The following SMG9 variants were observed in gnomAD, a reference collection of about 807,000 sequenced individuals.
SMG9 encodes the protein SMG9 nonsense mediated mRNA decay factor, also known as nonsense-mediated mRNA decay factor SMG9.
In SMG9, 55 loss-of-function variants were observed where a neutral mutation model predicts 64.0. The observed-to-expected ratio is 0.86, with a 90% CI of 0.69 to 1.08. The LOEUF (loss-of-function observed/expected upper bound fraction) is 1.08. SMG9 is among the 50% of genes least tolerant of loss of function. The pLI, the probability that SMG9 is intolerant of heterozygous loss-of-function variation, is 0.00. For synonymous variants in SMG9, 244 were observed against 254.8 expected, an observed-to-expected ratio of 0.96 and a Z score of 0.41; for missense variants, 554 against 681.3, an observed-to-expected ratio of 0.81 and a Z score of 2.08.
In SMG9 at chr19:43,728,975, A is replaced by T. The variant is rs1254509664; in HGVS notation, c.*2621T>A. 3.0e-6 allele frequency: 3 copies of T among 985,396 alleles called. No individual in the cohort carries two copies. Among genetic ancestry groups the T allele is most frequent in the Non-Finnish European group, 3.6e-6 (3 of 829,972 alleles). The allele number at this position is 985,396 out of a possible 1,614,324, so 61.0% of individuals were successfully genotyped here. A position where few individuals can be genotyped will look rare whatever the true frequency, so the allele number is the denominator to read the frequency against. On this transcript the variant is annotated 3_prime_UTR_variant, in exon 14 of 14. Coordinates refer to ENST00000270066, the MANE Select transcript of SMG9 (RefSeq NM_019108.4). Reference sequence around the variant, plus strand: ...CCCATCTTGCAGCCCATCCTAGAGCAGAAGGCCTCCCTGCAGCAGTATATC... The same window carrying T: ...CCCATCTTGCAGCCCATCCTAGAGCTGAAGGCCTCCCTGCAGCAGTATATC...
At chr19:43,734,557 G>T (rs1204682267) in intron 9 of SMG9, 62 bp from the exon 10 acceptor site, 1 of 1,114,916 alleles carries the variant, frequency 9.0e-7, no homozygotes, top group Non-Finnish European at 1.3e-6. Flanking sequence ...CACAGCCTGG[G>T]ACAGGGGCTT....
chr19:43,738,119 C>T lies in SMG9; in HGVS notation c.909+3G>A. The stretch of plus-strand genomic sequence containing the variant: ...AGTCCTGGGCCTGGCTTGGCTCCCT[C>T]ACCTGCATTTCAACGTAAGTGTGGG... On this transcript the variant is annotated splice_donor_region_variant and intron_variant, in intron 8 of 13. Transcript: ENST00000270066. 1 of 1,613,900 alleles carries T rather than the reference C, an allele frequency of 6.2e-7. No individual in the cohort carries two copies. Among genetic ancestry groups the T allele is most frequent in the Non-Finnish European group, 8.5e-7 (1 of 1,179,836 alleles).
At position 43,750,818 on chromosome 19, in the gene SMG9, T is replaced by C. The variant is rs1019182071; in HGVS notation, c.-6-71A>G. 4 of 1,411,824 alleles carry C rather than the reference T, an allele frequency of 2.8e-6. No homozygotes were observed. The African/African-American group carries it at 4.4e-5, about 15-fold the overall frequency. The allele number at this position is 1,411,824 out of a possible 1,614,324, so 87.5% of individuals were successfully genotyped here. On this transcript the variant is annotated intron_variant, in intron 1 of 13. Coordinates refer to ENST00000270066, the MANE Select transcript of SMG9 (RefSeq NM_019108.4). ...ACTCTACTTGGCATATCCTAGACTA[T>C]ACGAAGTCCCTTCTTTCTTTTTTTT...
chr19:43,734,576 A>T (rs1968597947), intron 9 of SMG9, 81 bp from the exon 10 acceptor site: 3 of 871,444 alleles, frequency 3.4e-6, no homozygotes, highest in African/African-American at 3.4e-5. Context: ...TTCCTTTGAG[A>T]TTCTGATGAA....
In SMG9 at chr19:43,730,036, C is replaced by G. The variant is rs904796381; in HGVS notation, c.*1560G>C. On this transcript the variant is annotated 3_prime_UTR_variant, in exon 14 of 14. Transcript: ENST00000270066. Reference sequence around the variant, plus strand: ...CTGGCCCTGCTGAGTGCTTTCTTCACTGACCCCCCGCCCCCCCTCACTTCA... The same window carrying G: ...CTGGCCCTGCTGAGTGCTTTCTTCAGTGACCCCCCGCCCCCCCTCACTTCA... The G allele has an allele frequency of 6.5e-6, 1 of 152,920 alleles. No individual in the cohort carries two copies. Among genetic ancestry groups the G allele is most frequent in the Non-Finnish European group, 1.5e-5 (1 of 68,696 alleles). 9.5% of individuals were successfully genotyped at this position (152,920 alleles called of 1,614,324 possible).
rs1599658361 is a variant in SMG9, at chr19:43,748,619, G to A, written c.151-567C>T. Reference sequence around the variant, plus strand: ...ATCACCTCTGCCTCAGCCCCCTCCTGCTCTGGCAAAGCTGGCAGGCTGATC... The same window carrying A: ...ATCACCTCTGCCTCAGCCCCCTCCTACTCTGGCAAAGCTGGCAGGCTGATC... On this transcript the variant is annotated intron_variant, in intron 2 of 13. Transcript: ENST00000270066. 4 of 519,028 alleles carry A rather than the reference G, an allele frequency of 7.7e-6. No individual in the cohort carries two copies. The East Asian group carries it at 2.2e-4, about 28-fold the overall frequency. 32.2% of individuals were successfully genotyped at this position (519,028 alleles called of 1,614,324 possible).
chr19:43,743,757 T>C (rs1440583768), intron 6 of SMG9, among the ~76,000 whole-genome samples: 2 of 152,134 alleles, frequency 1.3e-5, no homozygotes, highest in Admixed American at 1.3e-4. Flanking sequence ...GATCGTGCCA[T>C]TGCACTTGAG....
At chr19:43,733,792 C>A in intron 10 of SMG9, 59 bp from the exon 11 acceptor site, 1 of 1,246,302 alleles carries the variant, frequency 8.0e-7, no homozygotes, top group Non-Finnish European at 1.2e-6. Context: ...CATGGACTCC[C>A]CTTTCTCACC....
chr19:43,733,202 T>C, intron 12 of SMG9, 122 bp downstream of exon 12: 3 of 1,414,338 alleles, frequency 2.1e-6, no homozygotes, highest in Non-Finnish European at 2.9e-6. Flanking sequence ...TCAGACCAGG[T>C]AGGCTCCACA....
Position 43,752,873 on chromosome 19 carries a change from T to C in SMG9, c.-7+1781A>G, listed in dbSNP as rs147787330. On this transcript the variant is annotated intron_variant, in intron 1 of 13. Coordinates refer to ENST00000270066, the MANE Select transcript of SMG9 (RefSeq NM_019108.4). ...ATGATCATGCTGCACCACTGCACTCTAGCCTGGGTAACAAAGCAAGACCCT... is the reference window on the plus strand; with the variant it reads ...ATGATCATGCTGCACCACTGCACTCCAGCCTGGGTAACAAAGCAAGACCCT... 4.3e-5 allele frequency among the ~76,000 whole-genome samples: 6 copies of C among 138,336 alleles called. No homozygotes were observed. The East Asian group carries it at 1.0e-3, about 24-fold the overall frequency. The allele number at this position is 138,336 out of a possible 152,430, so 90.8% of individuals were successfully genotyped here. A position where few individuals can be genotyped will look rare whatever the true frequency, so the allele number is the denominator to read the frequency against.
chr19:43,739,517 C>A (rs906576682), intron 7 of SMG9, among the ~76,000 whole-genome samples: 1 of 152,010 alleles, frequency 6.6e-6, no homozygotes, highest in African/African-American at 2.4e-5. Context: ...CCTCCAGAGG[C>A]GAGGATAGGC....
intron 6 of SMG9, among the ~76,000 whole-genome samples, chr19:43,740,738 G>C (rs1328213797): frequency 1.3e-5 from 2 of 152,078 alleles, no homozygotes; most frequent in African/African-American, 4.8e-5. Flanking sequence ...AGCACTGAGT[G>C]CCCTCCACTC....
intron 5 of SMG9, 60 bp from the exon 6 acceptor site, chr19:43,744,944 G>C (rs900377380): frequency 7.4e-7 from 1 of 1,345,662 alleles, no homozygotes; most frequent in African/African-American, 1.4e-5. Flanking sequence ...CTGGAATGAG[G>C]GGGGGACTCC....
At position 43,730,092 on chromosome 19, in the gene SMG9, G is replaced by A. The variant is rs1568591935; in HGVS notation, c.*1504C>T. On this transcript the variant is annotated 3_prime_UTR_variant, in exon 14 of 14. Transcript: ENST00000270066. ...TTCTCACAAGGCCCTGGATCCCCAT[G>A]GTATGAAACACCAGGGCTGTATGGG... 1 of 152,144 alleles carries A rather than the reference G, an allele frequency of 6.6e-6. No individual in the cohort carries two copies. The highest frequency in any genetic ancestry group is 1.5e-5 in the Non-Finnish European group (1 of 68,056). 9.4% of individuals were successfully genotyped at this position (152,144 alleles called of 1,614,324 possible).
chr19:43,750,873 G>A, intron 1 of SMG9, 126 bp from the exon 2 acceptor site: 1 of 825,570 alleles, frequency 1.2e-6, no homozygotes, highest in Admixed American at 3.0e-5. Context: ...CGCCCAGGCT[G>A]GAGTACAGTG....
rs1253595492 is a variant in SMG9, at chr19:43,740,129, C to T, written c.791G>A (p.Arg264Gln). ...SGIDFFITQE[R>Q]IVFLDTQPIL... is the part of the protein sequence containing the mutation. ...CACCTGTGTGTCCAGGAAAACAATC[C>T]GTTCTTGGGTAATAAAGAAGTCGAT... Residue 264 changes from arginine to glutamine, a missense_variant, in exon 7 of 14, where the codon CGG becomes CAG. Physicochemically the swap from Arg to Gln is conservative, Grantham distance 43. Coordinates refer to ENST00000270066, the MANE Select transcript of SMG9 (RefSeq NM_019108.4). 7 of 1,613,700 alleles carry T rather than the reference C, an allele frequency of 4.3e-6. No homozygotes were observed. Among genetic ancestry groups the T allele is most frequent in the African/African-American group, 4.0e-5 (3 of 74,890 alleles).
rs750300035 is a variant in SMG9, at chr19:43,748,045, C to T, written c.158G>A (p.Ser53Asn). ...CATGACGGAAGTGCTTGTCTCTTCG[C>T]TGGCATCCTGTGGTGAGGGAGGGCA... ...APWERERRDASEETSTSVMQK... is the reference protein window; with the variant it reads ...APWERERRDANEETSTSVMQK... The change falls in exon 3 of 14, where the codon AGC becomes AAC. Residue 53 changes from serine (S) to asparagine (N), a missense_variant. By Grantham distance (46) the Ser-to-Asn change is conservative (BLOSUM62 1). Transcript: ENST00000270066. 29 of 1,608,882 alleles carry T rather than the reference C, an allele frequency of 1.8e-5. No individual in the cohort carries two copies. In the Admixed American group the frequency reaches 4.9e-4, roughly 27 times the overall value.
rs370965310 is a variant in SMG9, at chr19:43,735,356, G to A, written c.996-861C>T. On this transcript the variant is annotated intron_variant, in intron 9 of 13. Coordinates refer to ENST00000270066, the MANE Select transcript of SMG9 (RefSeq NM_019108.4). ...TGTGTGGCCGAGCACGGTGGCTAAC[G>A]CCTGTAATCTCAGCACTTTGGGGAG... Among the ~76,000 whole-genome samples the A allele has an allele frequency of 6.6e-5, 10 of 152,088 alleles. No individual in the cohort carries two copies. The East Asian group carries it at 7.7e-4, about 12-fold the overall frequency.
Position 43,729,023 on chromosome 19 carries a change from G to T in SMG9, c.*2573C>A. On this transcript the variant is annotated 3_prime_UTR_variant, in exon 14 of 14. Transcript: ENST00000270066. ...ATCTAGCTGGTGTCCACAGTGGCCT[G>T]CTGGCAGCATCAGCCTGAGTCCTCT... The T allele has an allele frequency of 3.0e-6, 3 of 985,648 alleles. No homozygotes were observed. The highest frequency in any genetic ancestry group is 3.6e-6 in the Non-Finnish European group (3 of 830,106). The allele number at this position is 985,648 out of a possible 1,614,324, so 61.1% of individuals were successfully genotyped here.
Sources: gnomAD v4.1 joint callset for allele counts (sites outside exome capture counted in the v4.1 genomes callset) on GRCh38, gnomAD v4.1.1 for gene constraint, MANE v1.5 for transcripts, NCBI Gene and HGNC (gene_info 2026-07-23, HGNC 2026-07-21) for gene names.